WWP1: variants seen among roughly 807,000 people sequenced by gnomAD.
The protein encoded by WWP1 is NEDD4-like E3 ubiquitin-protein ligase WWP1.
In WWP1, 49 loss-of-function variants were observed where a neutral mutation model predicts 130.6. The ratio of observed to expected loss-of-function variants is 0.38; its 90% CI spans 0.30 to 0.48. WWP1 has a LOEUF of 0.48. Among genes scored for constraint, WWP1 ranks in the 20% least tolerant of loss-of-function variants. The pLI, the probability that WWP1 is intolerant of heterozygous loss-of-function variation, is 0.99. For missense variants in WWP1, 809 were observed against 1,100.6 expected, an observed-to-expected ratio of 0.74 and a Z score of 3.75; for synonymous variants, 332 against 367.8, an observed-to-expected ratio of 0.90 and a Z score of 1.11.
intron 18 of WWP1, 21 bp from the exon 19 acceptor site, chr8:86,448,127 A>G: frequency 6.5e-7 from 1 of 1,538,456 alleles, no homozygotes. Flanking sequence ...TTTAAATAAA[A>G]TTTTTCATTT....
At chr8:86,381,250 C>T (rs895379577) in intron 4 of WWP1, among the ~76,000 whole-genome samples, 1 of 152,120 alleles carries the variant, frequency 6.6e-6, no homozygotes, top group African/African-American at 2.4e-5. Flanking sequence ...CTCAGTAAGA[C>T]TCCTGTGTTG....
intron 24 of WWP1, among the ~76,000 whole-genome samples, chr8:86,464,418 A>G (rs1811925787): frequency 6.6e-6 from 1 of 152,360 alleles, no homozygotes; most frequent in South Asian, 2.1e-4. Flanking sequence ...TTTTCATATC[A>G]AAGTGAATTA....
chr8:86,411,453 C>G (rs527475833), intron 8 of WWP1, 85 bp from the exon 9 acceptor site: 1 of 1,202,512 alleles, frequency 8.3e-7, no homozygotes, highest in South Asian at 1.5e-5. Flanking sequence ...CTGGATTAGG[C>G]TCTGAATAAG....
chr8:86,451,786 TA>T (rs1276380350), intron 20 of WWP1, among the ~76,000 whole-genome samples: 1 of 152,154 alleles, frequency 6.6e-6, no homozygotes, highest in Non-Finnish European at 1.5e-5. Context: ...CTTCTTTAGG[TA>T]GTTCTTTTCA....
chr8:86,342,745 T>G lies in WWP1; in HGVS notation c.-300T>G. ...GGGGGAGGGTCGGGTGTCGGCGAGC[T>G]CCGCGTGCGGGTTCCGAGTGGCTGC... On this transcript the variant is annotated 5_prime_UTR_variant, in exon 1 of 25. Transcript: ENST00000517970. 2 of 359,924 alleles carry G rather than the reference T, an allele frequency of 5.6e-6. No homozygotes were observed. The highest frequency in any genetic ancestry group is 9.9e-6 in the Non-Finnish European group (2 of 201,620). The allele number at this position is 359,924 out of a possible 1,614,324, so 22.3% of individuals were successfully genotyped here.
intron 1 of WWP1, among the ~76,000 whole-genome samples, chr8:86,351,302 T>G (rs1822901706): frequency 6.6e-6 from 1 of 152,168 alleles, no homozygotes; most frequent in Non-Finnish European, 1.5e-5. Flanking sequence ...CTAGCTTCGT[T>G]TTGGCATGGG....
intron 18 of WWP1, among the ~76,000 whole-genome samples, chr8:86,443,488 GTATT>G (rs1248020813): frequency 6.6e-6 from 1 of 152,092 alleles, no homozygotes; most frequent in African/African-American, 2.4e-5. Flanking sequence ...GGAAGTGTTT[GTATT>G]TATTTATTTA....
chr8:86,383,772 A>C (rs1825126042), intron 5 of WWP1, among the ~76,000 whole-genome samples: 1 of 152,156 alleles, frequency 6.6e-6, no homozygotes, highest in Admixed American at 6.6e-5. Context: ...TATAAAAATT[A>C]TCTCTGTGAT....
intron 5 of WWP1, among the ~76,000 whole-genome samples, chr8:86,390,228 G>A (rs1807217000): frequency 6.6e-6 from 1 of 151,360 alleles, no homozygotes; most frequent in East Asian, 2.0e-4. Context: ...GCCGGGCAGA[G>A]GGGCTCCTCA....
chr8:86,437,957 G>A (rs1204984302), intron 16 of WWP1, among the ~76,000 whole-genome samples: 13 of 152,008 alleles, frequency 8.6e-5, no homozygotes, highest in Admixed American at 8.5e-4. Flanking sequence ...CCACCACCAC[G>A]CCTGGCTAAC....
chr8:86,464,554 T>C (rs1424951718), intron 24 of WWP1, among the ~76,000 whole-genome samples: 1 of 152,192 alleles, frequency 6.6e-6, no homozygotes, highest in African/African-American at 2.4e-5. Context: ...CTTGCTGTGT[T>C]ACCTATGTTA....
chr8:86,429,813 G>A (rs1198457745), intron 11 of WWP1, among the ~76,000 whole-genome samples: 5 of 152,142 alleles, frequency 3.3e-5, no homozygotes, highest in Non-Finnish European at 5.9e-5. Context: ...GGAGAGTAAA[G>A]TATTGATGCC....
At chr8:86,456,257 T>G (rs1407883956) in intron 21 of WWP1, among the ~76,000 whole-genome samples, 1 of 151,906 alleles carries the variant, frequency 6.6e-6, no homozygotes, top group African/African-American at 2.4e-5. Context: ...AAGAAAAATA[T>G]GGATACATTG....
intron 9 of WWP1, among the ~76,000 whole-genome samples, chr8:86,420,424 G>T (rs910268464): frequency 6.6e-6 from 1 of 152,192 alleles, no homozygotes; most frequent in African/African-American, 2.4e-5. Flanking sequence ...TGGCTCATCT[G>T]TGGGGAGAGT....
At chr8:86,413,818 G>A (rs1311365568) in intron 9 of WWP1, among the ~76,000 whole-genome samples, 4 of 152,200 alleles carry the variant, frequency 2.6e-5, no homozygotes, top group Non-Finnish European at 5.9e-5. Context: ...CCACGAATAA[G>A]CATTAAAGAA....
At chr8:86,368,630 A>G (rs926635857) in intron 1 of WWP1, among the ~76,000 whole-genome samples, 3 of 152,178 alleles carry the variant, frequency 2.0e-5, no homozygotes, top group Non-Finnish European at 4.4e-5. Flanking sequence ...TAAATACAAT[A>G]TAAACTATTC....
At chr8:86,380,417 T>A (rs1282477039) in intron 3 of WWP1, among the ~76,000 whole-genome samples, 1 of 152,140 alleles carries the variant, frequency 6.6e-6, no homozygotes, top group Non-Finnish European at 1.5e-5. Context: ...TTTATTTTTA[T>A]GGTAACAAAA....
At position 86,435,619 on chromosome 8, in the gene WWP1, A is replaced by G; in HGVS notation, c.1678-14A>G. On this transcript the variant is annotated splice_polypyrimidine_tract_variant and intron_variant, in intron 15 of 24. Transcript: ENST00000517970. ...ATAACTCAGATGATATTATGATATT[A>G]TTTTTGTTTTTAGTCTAATGCACTA... The G allele has an allele frequency of 6.2e-7, 1 of 1,612,838 alleles. No individual in the cohort carries two copies. Among genetic ancestry groups the G allele is most frequent in the Non-Finnish European group, 8.5e-7 (1 of 1,179,298 alleles).
intron 5 of WWP1, among the ~76,000 whole-genome samples, chr8:86,389,986 C>A (rs1045070660): frequency 5.3e-5 from 8 of 150,622 alleles, no homozygotes; most frequent in African/African-American, 2.0e-4. Context: ...GACGGGGCAG[C>A]CCGGCAGAGA....
Sources: allele counts gnomAD v4.1 joint callset (sites outside exome capture counted in the v4.1 genomes callset), GRCh38; gene constraint gnomAD v4.1.1; transcripts MANE v1.5; gene names NCBI Gene and HGNC (gene_info 2026-07-23, HGNC 2026-07-21).